The following PTPRN variants were observed in gnomAD, a reference collection of about 807,000 sequenced individuals.
PTPRN encodes the protein protein tyrosine phosphatase receptor type N, also known as receptor-type tyrosine-protein phosphatase-like N.
Under a neutral mutation model 108.5 loss-of-function variants are expected in PTPRN, and 70 were observed. The ratio of observed to expected loss-of-function variants is 0.65; its 90% CI spans 0.53 to 0.79. PTPRN has a LOEUF of 0.79. PTPRN is among the 30% of genes least tolerant of loss of function. The probability of loss-of-function intolerance (pLI) is 0.00; values close to 1 mark genes in which losing one functional copy is unlikely to be tolerated. For missense variants in PTPRN, 1,136 were observed against 1,295.5 expected (o/e 0.88, Z 1.89); for synonymous variants, 496 against 524.6 (o/e 0.95, Z 0.75).
At chr2:219,294,659 G>T (rs1037577668) in intron 19 of PTPRN, among the ~76,000 whole-genome samples, 1 of 151,942 alleles carries the variant, frequency 6.6e-6, no homozygotes, top group Non-Finnish European at 1.5e-5. Flanking sequence ...GAGAGGGAGG[G>T]GAGACAGAAA....
At chr2:219,294,864 G>T (rs561191826) in intron 19 of PTPRN, 111 bp downstream of exon 19, 25,347 of 1,155,284 alleles carry the variant, frequency 0.022, 337 homozygotes, top group Non-Finnish European at 0.026. Flanking sequence ...GCGGCCAGAA[G>T]TCAGAGGCCG....
Position 219,296,855 on chromosome 2 carries a change from CCT to C in PTPRN, c.2237-35_2237-34del. 6.2e-7 allele frequency: 1 copy of C among 1,614,022 alleles called. No individual in the cohort carries two copies. Among genetic ancestry groups the C allele is most frequent in the Non-Finnish European group, 8.5e-7 (1 of 1,179,956 alleles). On this transcript the variant is annotated intron_variant, in intron 15 of 22. Coordinates refer to ENST00000295718, the MANE Select transcript of PTPRN (RefSeq NM_002846.4). The surrounding 1 kb of genome is among the most constrained non-coding windows in gnomAD (Gnocchi z 6.0). ...GACCCGACACCCCACCCCAGATGGC[CCT>C]CTGGTCATTGGCATCGCGGGACCTC...
chr2:219,297,387 G>A lies in PTPRN; in HGVS notation c.1934C>T (p.Ala645Val). ...HMATKSLFNR[A>V]EGPPEPSRVS... ...CCGTGAAGGCTCCGGTGGACCCTCT[G>A]CCCGGTTGAACAAGGACTTCGTGGC... is the stretch of plus-strand genomic sequence containing the variant. The change falls in exon 14 of 23, where the codon GCA becomes GTA. Residue 645 changes from alanine to valine, a missense_variant. Coordinates refer to ENST00000295718, the MANE Select transcript of PTPRN (RefSeq NM_002846.4). This position sits in a 1 kb window ranked among gnomAD's most constrained non-coding sequence, Gnocchi z 6.0. The A allele has an allele frequency of 6.2e-7, 1 of 1,614,096 alleles. No individual in the cohort carries two copies. The highest frequency in any genetic ancestry group is 8.5e-7 in the Non-Finnish European group (1 of 1,180,034).
Position 219,302,419 on chromosome 2 carries a change from C to T in PTPRN, c.712G>A (p.Ala238Thr), listed in dbSNP as rs1253521206. ...CTGCTGAAGAGGGCAGGGGCTTCAGCCTTGGGCAGGGGGCCGACACTGACC... is the reference window on the plus strand; with the variant it reads ...CTGCTGAAGAGGGCAGGGGCTTCAGTCTTGGGCAGGGGGCCGACACTGACC... Reference protein sequence around the residue: ...GMVSVGPLPKAEAPALFSRTA... With the variant: ...GMVSVGPLPKTEAPALFSRTA... Residue 238 changes from alanine to threonine, a missense_variant, in exon 6 of 23, where the codon GCT becomes ACT. Transcript: ENST00000295718. 1.2e-6 allele frequency: 2 copies of T among 1,614,162 alleles called. No individual in the cohort carries two copies. The highest frequency in any genetic ancestry group is 2.2e-5 in the South Asian group (2 of 91,084).
chr2:219,301,736 A>G lies in PTPRN; in HGVS notation c.995-17T>C, dbSNP rs1952352773. 2 of 1,602,796 alleles carry G rather than the reference A, an allele frequency of 1.2e-6. No homozygotes were observed. The highest frequency in any genetic ancestry group is 1.1e-5 in the South Asian group (1 of 90,716). On this transcript the variant is annotated splice_polypyrimidine_tract_variant and intron_variant, in intron 6 of 22. Transcript: ENST00000295718. Reference sequence around the variant, plus strand: ...GAGCCGCATCTGCTGGGAGCCAGACACAGAGCTTAGGGCTGATTGCGCAGT... The same window carrying G: ...GAGCCGCATCTGCTGGGAGCCAGACGCAGAGCTTAGGGCTGATTGCGCAGT...
chr2:219,307,600 G>A (rs1485124719), intron 2 of PTPRN, 43 bp from the exon 3 acceptor site: 2 of 1,574,586 alleles, frequency 1.3e-6, no homozygotes, highest in Admixed American at 3.4e-5. Context: ...TTGAATAAGA[G>A]GCCTTCCAAA....
Position 219,290,429 on chromosome 2 carries a change from C to T in PTPRN, c.2868+109G>A, listed in dbSNP as rs200559264. On this transcript the variant is annotated intron_variant, in intron 22 of 22. Transcript: ENST00000295718. This position sits in a 1 kb window ranked among gnomAD's most constrained non-coding sequence, Gnocchi z 4.2. ...AGGAAGGGAGCCCTCCTGGAGGAGG[C>T]GCAGAAGCAGGTGGGAAAGGTTGGC... 6.4e-5 allele frequency: 89 copies of T among 1,388,158 alleles called. 1 individual carries two copies. The East Asian group carries it at 8.7e-4, about 14-fold the overall frequency. The allele number at this position is 1,388,158 out of a possible 1,614,324, so 86.0% of individuals were successfully genotyped here.
intron 3 of PTPRN, among the ~76,000 whole-genome samples, chr2:219,306,742 CCTAA>C (rs961709753): frequency 4.6e-5 from 7 of 152,110 alleles, no homozygotes; most frequent in African/African-American, 2.4e-5. Flanking sequence ...GTGCTTTTGT[CCTAA>C]CTGTTTGGTC....
Position 219,307,571 on chromosome 2 carries a change from A to G in PTPRN, c.167-14T>C. 6.2e-7 allele frequency: 1 copy of G among 1,611,440 alleles called. No homozygotes were observed. The highest frequency in any genetic ancestry group is 8.5e-7 in the Non-Finnish European group (1 of 1,178,080). ...CAAACAAGCCATCTAAGGGCACAAA[A>G]GTGGTGTCAGCAGGGGGCTTGAATA... On this transcript the variant is annotated splice_polypyrimidine_tract_variant and intron_variant, in intron 2 of 22. Coordinates refer to ENST00000295718, the MANE Select transcript of PTPRN (RefSeq NM_002846.4).
At chr2:219,300,371 C>G in intron 8 of PTPRN, 112 bp from the exon 9 acceptor site, 1 of 1,164,998 alleles carries the variant, frequency 8.6e-7, no homozygotes, top group Non-Finnish European at 1.2e-6. Flanking sequence ...CTTTCTACCC[C>G]CAGGGACCAC....
intron 18 of PTPRN, chr2:219,295,561 C>T (rs963494528): frequency 3.1e-5 from 5 of 161,168 alleles, no homozygotes; most frequent in Admixed American, 6.5e-5. Flanking sequence ...TATTCAGGCT[C>T]ATCTGGTGAT....
At chr2:219,301,933 T>TCCAGTGGAAGGAGAGTCACGTCAACTCC (rs1380577775) in intron 6 of PTPRN, among the ~76,000 whole-genome samples, 22 of 152,154 alleles carry the variant, frequency 1.4e-4, no homozygotes, top group Non-Finnish European at 2.5e-4. Context: ...ATCTTGACTC[T>TCCAGTGGAAGGAGAGTCACGTCAACTCC]CCACTGGAAG....
rs538561736 is a variant in PTPRN, at chr2:219,308,726, G to T, written c.115+492C>A. 9.2e-5 allele frequency among the ~76,000 whole-genome samples: 14 copies of T among 152,114 alleles called. No homozygotes were observed. In the South Asian group the frequency reaches 2.7e-3, roughly 29 times the overall value. On this transcript the variant is annotated intron_variant, in intron 1 of 22. Coordinates refer to ENST00000295718, the MANE Select transcript of PTPRN (RefSeq NM_002846.4). Reference sequence around the variant, plus strand: ...CCCCGTTACAGGAGATCAGATCGCTGCAATCAGCTTCTCTAGGCTTACGGA... The same window carrying T: ...CCCCGTTACAGGAGATCAGATCGCTTCAATCAGCTTCTCTAGGCTTACGGA...
rs1328588244 is a variant in PTPRN, at chr2:219,297,791, C to T, written c.1887+94G>A. On this transcript the variant is annotated intron_variant, in intron 13 of 22. Coordinates refer to ENST00000295718, the MANE Select transcript of PTPRN (RefSeq NM_002846.4). This position sits in a 1 kb window ranked among gnomAD's most constrained non-coding sequence, Gnocchi z 6.0. ...GGACCTTCCCAGGGATGAGGGCTCA[C>T]TCCCCATTCAGTTCCGACCCTTAGT... The T allele has an allele frequency of 2.2e-6, 3 of 1,393,904 alleles. No homozygotes were observed. Among genetic ancestry groups the T allele is most frequent in the East Asian group, 5.0e-5 (2 of 40,066 alleles). The allele number at this position is 1,393,904 out of a possible 1,614,324, so 86.3% of individuals were successfully genotyped here.
chr2:219,297,464 A>G lies in PTPRN; in HGVS notation c.1888-31T>C, dbSNP rs756429026. The G allele has an allele frequency of 6.2e-7, 1 of 1,608,948 alleles. No homozygotes were observed. Among genetic ancestry groups the G allele is most frequent in the Non-Finnish European group, 8.5e-7 (1 of 1,175,952 alleles). On this transcript the variant is annotated intron_variant, in intron 13 of 22. Transcript: ENST00000295718. The surrounding 1 kb of genome is among the most constrained non-coding windows in gnomAD (Gnocchi z 6.0). Reference sequence around the variant, plus strand: ...GAGGAAGAATCAGGTGAGGTCCAAGAGTCCCCTGAAACTTTTCAACAGGGC... The same window carrying G: ...GAGGAAGAATCAGGTGAGGTCCAAGGGTCCCCTGAAACTTTTCAACAGGGC...
At position 219,299,377 on chromosome 2, in the gene PTPRN, C is replaced by T. The variant is rs1952283436; in HGVS notation, c.1531G>A (p.Gly511Arg). Residue 511 changes from glycine (G) to arginine (R), a missense_variant, in exon 11 of 23, where the codon GGA becomes AGA. Gly to Arg is a moderately radical substitution (Grantham distance 125). Coordinates refer to ENST00000295718, the MANE Select transcript of PTPRN (RefSeq NM_002846.4). ...CGGATGCGGAAGGTGAGGGCTGGTC[C>T]CACCACACTGCCAGATAGGAGCTAT... is the stretch of plus-strand genomic sequence containing the variant. ...SGSFINISVVGPALTFRIRHN... is the reference protein window; with the variant it reads ...SGSFINISVVRPALTFRIRHN... 1 of 1,614,180 alleles carries T rather than the reference C, an allele frequency of 6.2e-7. No individual in the cohort carries two copies. Among genetic ancestry groups the T allele is most frequent in the East Asian group, 2.2e-5 (1 of 44,880 alleles).
intron 1 of PTPRN, among the ~76,000 whole-genome samples, chr2:219,308,577 C>T (rs1343286057): frequency 1.3e-5 from 2 of 151,014 alleles, no homozygotes; most frequent in African/African-American, 4.9e-5. Context: ...ACCCCCTGTC[C>T]GTGAGTCAGC....
intron 1 of PTPRN, chr2:219,308,103 A>G: frequency 2.1e-6 from 1 of 481,708 alleles, no homozygotes; most frequent in Admixed American, 3.8e-5. Flanking sequence ...GAAACCTTCC[A>G]GGTGCAGGGA....
At chr2:219,305,042 CA>C (rs1332794023) in intron 3 of PTPRN, among the ~76,000 whole-genome samples, 56 of 152,192 alleles carry the variant, frequency 3.7e-4, no homozygotes, top group Admixed American at 9.8e-4. Flanking sequence ...TCTGCATGTC[CA>C]AATCTAGTGG....
Sources: gnomAD v4.1 joint callset for allele counts (sites outside exome capture counted in the v4.1 genomes callset) on GRCh38, gnomAD v4.1.1 for gene constraint, Gnocchi (gnomAD v3.1) non-coding constraint, MANE v1.5 for transcripts, NCBI Gene and HGNC (gene_info 2026-07-23, HGNC 2026-07-21) for gene names.